MYO6: variants seen among roughly 807,000 people sequenced by gnomAD.
MYO6 encodes the protein unconventional myosin-VI.
A neutral mutation model predicts 178.7 loss-of-function variants in MYO6; 74 were observed. That is an observed-to-expected ratio of 0.41 (90% CI 0.34 to 0.50). The LOEUF (loss-of-function observed/expected upper bound fraction) is 0.50. Ranked by LOEUF, MYO6 falls within the 20% of genes least tolerant of loss-of-function variation. MYO6 has a pLI of 0.09. For missense variants in MYO6, 1,330 were observed against 1,547.4 expected (o/e 0.86, Z 2.36); for synonymous variants, 477 against 504.6 (o/e 0.95, Z 0.73).
chr6:75,775,462 CT>C (rs1411537804), intron 1 of MYO6, among the ~76,000 whole-genome samples: 2 of 152,192 alleles, frequency 1.3e-5, no homozygotes, highest in African/African-American at 4.8e-5. Context: ...TGGAAATAAA[CT>C]TCTCAGGTTC....
chr6:75,804,827 T>C (rs1583136480), intron 1 of MYO6, among the ~76,000 whole-genome samples: 1 of 151,312 alleles, frequency 6.6e-6, no homozygotes, highest in South Asian at 2.1e-4. Flanking sequence ...AGTTGGTACT[T>C]AATGTCTAAT....
chr6:75,866,019 C>A (rs1202445649), intron 16 of MYO6, among the ~76,000 whole-genome samples: 1 of 152,106 alleles, frequency 6.6e-6, no homozygotes, highest in African/African-American at 2.4e-5. Context: ...TGTGTGCGAT[C>A]TTCCTCCCTC....
At chr6:75,905,240 G>T (rs1453182138) in intron 30 of MYO6, among the ~76,000 whole-genome samples, 1 of 152,240 alleles carries the variant, frequency 6.6e-6, no homozygotes, top group African/African-American at 2.4e-5. Flanking sequence ...TTCTTGAGCT[G>T]TGATGCTTCC....
intron 1 of MYO6, among the ~76,000 whole-genome samples, chr6:75,751,639 T>C (rs1385036978): frequency 6.6e-6 from 1 of 152,186 alleles, no homozygotes; most frequent in Non-Finnish European, 1.5e-5. Context: ...GGCCAGGAAA[T>C]CTGAGAGAGG....
At chr6:75,904,516 G>T (rs893745768) in intron 30 of MYO6, among the ~76,000 whole-genome samples, 3 of 151,772 alleles carry the variant, frequency 2.0e-5, no homozygotes, top group East Asian at 1.9e-4. Flanking sequence ...CCAGTTGATC[G>T]CATCGGCTCC....
intron 1 of MYO6, among the ~76,000 whole-genome samples, chr6:75,764,053 T>C (rs142448466): frequency 1.2e-3 from 185 of 152,252 alleles, no homozygotes; most frequent in Non-Finnish European, 2.1e-3. Context: ...TCTATTTCTT[T>C]TTTTGTTTTT....
intron 29 of MYO6, among the ~76,000 whole-genome samples, chr6:75,896,684 G>A (rs1779337846): frequency 6.6e-6 from 1 of 152,214 alleles, no homozygotes; most frequent in Admixed American, 6.5e-5. Flanking sequence ...GCATGGAGTA[G>A]TTCTTCCTTG....
chr6:75,844,985 A>G lies in MYO6; in HGVS notation c.897+8A>G. 6.2e-7 allele frequency: 1 copy of G among 1,600,204 alleles called. No individual in the cohort carries two copies. Among genetic ancestry groups the G allele is most frequent in the Non-Finnish European group, 8.6e-7 (1 of 1,168,024 alleles). ...AACCGCAAAAGTCCTGAGGTATAGT[A>G]GACCATTGTTCATAAAATCTTTAAC... On this transcript the variant is annotated splice_region_variant and intron_variant, in intron 10 of 34. Transcript: ENST00000369977.
chr6:75,904,887 G>T (rs1440112499), intron 30 of MYO6, among the ~76,000 whole-genome samples: 1 of 152,234 alleles, frequency 6.6e-6, no homozygotes, highest in Non-Finnish European at 1.5e-5. Flanking sequence ...TGATGATGGT[G>T]ATGTGCAGAT....
chr6:75,847,113 T>C (rs1486985530), intron 10 of MYO6, among the ~76,000 whole-genome samples: 1 of 152,144 alleles, frequency 6.6e-6, no homozygotes, highest in East Asian at 1.9e-4. Flanking sequence ...TTAGAAACAG[T>C]TTTTAAATGA....
chr6:75,806,906 CT>C (rs909571675), intron 1 of MYO6, among the ~76,000 whole-genome samples: 39 of 152,182 alleles, frequency 2.6e-4, no homozygotes, highest in African/African-American at 8.9e-4. Flanking sequence ...CTTCACACCT[CT>C]ATATTTCTGT....
chr6:75,779,716 A>G (rs1338888769), intron 1 of MYO6, among the ~76,000 whole-genome samples: 2 of 152,212 alleles, frequency 1.3e-5, no homozygotes, highest in African/African-American at 2.4e-5. Flanking sequence ...AGTAGAAAGA[A>G]AAAGGTTTTA....
intron 19 of MYO6, 87 bp downstream of exon 19, chr6:75,870,772 A>G: frequency 9.5e-7 from 1 of 1,049,724 alleles, no homozygotes; most frequent in Non-Finnish European, 1.4e-6. Context: ...GTAACCCTGT[A>G]CTAATTAAAA....
intron 20 of MYO6, among the ~76,000 whole-genome samples, chr6:75,875,154 T>C (rs1158824194): frequency 1.3e-5 from 2 of 152,234 alleles, no homozygotes; most frequent in African/African-American, 4.8e-5. Context: ...GACCTTTACA[T>C]GATGATGGAG....
intron 5 of MYO6, 93 bp downstream of exon 5, chr6:75,830,638 A>C (rs1358932901): frequency 8.1e-7 from 1 of 1,229,680 alleles, no homozygotes; most frequent in Non-Finnish European, 1.2e-6. Context: ...AGATACCATA[A>C]ATTGAATATA....
intron 11 of MYO6, 127 bp from the exon 12 acceptor site, chr6:75,855,010 TTA>T: frequency 2.4e-6 from 2 of 825,842 alleles, no homozygotes; most frequent in Non-Finnish European, 3.8e-6. Context: ...TGAGGTAGAT[TTA>T]AAAGTTACAA....
At chr6:75,752,674 C>T (rs1001104470) in intron 1 of MYO6, among the ~76,000 whole-genome samples, 3 of 152,126 alleles carry the variant, frequency 2.0e-5, no homozygotes, top group East Asian at 1.9e-4. Context: ...TATGATAGGC[C>T]GTGAATGTAG....
chr6:75,901,990 T>A (rs192992043), intron 30 of MYO6, among the ~76,000 whole-genome samples: 1 of 152,158 alleles, frequency 6.6e-6, no homozygotes, highest in African/African-American at 2.4e-5. Flanking sequence ...AATCATGTGG[T>A]TTTTGTCTTT....
intron 1 of MYO6, among the ~76,000 whole-genome samples, chr6:75,756,263 T>G (rs758642088): frequency 4.6e-5 from 7 of 151,074 alleles, no homozygotes; most frequent in Non-Finnish European, 8.8e-5. Flanking sequence ...AAAAAACAAA[T>G]GGGACTAGGA....
Sources: allele counts gnomAD v4.1 joint callset (sites outside exome capture counted in the v4.1 genomes callset), GRCh38; gene constraint gnomAD v4.1.1; transcripts MANE v1.5; gene names NCBI Gene and HGNC (gene_info 2026-07-23, HGNC 2026-07-21).